Variants in GABPA observed in about 807,000 individuals in gnomAD.
GABPA encodes GA binding protein transcription factor subunit alpha.
A neutral mutation model predicts 59.4 loss-of-function variants in GABPA; 4 were observed. The observed-to-expected ratio is 0.07, with a 90% CI of 0.03 to 0.15. GABPA has a LOEUF of 0.15. Ranked by LOEUF, GABPA falls within the 10% of genes least tolerant of loss-of-function variation. The pLI, the probability that GABPA is intolerant of heterozygous loss-of-function variation, is 1.00. For synonymous variants in GABPA, 164 were observed against 183.1 expected (o/e 0.90, Z 0.84); for missense variants, 251 against 543.8 (o/e 0.46, Z 5.36).
At chr21:25,757,374 A>T (rs2035660997) in intron 5 of GABPA, among the ~76,000 whole-genome samples, 1 of 152,240 alleles carries the variant, frequency 6.6e-6, no homozygotes, top group Non-Finnish European at 1.5e-5. Flanking sequence ...ACTCTTTAAG[A>T]TTAAACAAGT....
At chr21:25,751,051 TA>T (rs2035496974) in intron 4 of GABPA, among the ~76,000 whole-genome samples, 1 of 152,122 alleles carries the variant, frequency 6.6e-6, no homozygotes, top group Non-Finnish European at 1.5e-5. Context: ...TAGATTGTAA[TA>T]GATTCAGTAA....
At chr21:25,749,162 T>G in intron 4 of GABPA, 42 bp downstream of exon 4, 1 of 1,148,450 alleles carries the variant, frequency 8.7e-7, no homozygotes, top group Non-Finnish European at 1.3e-6. Flanking sequence ...TTTTAGCTCA[T>G]GTTTTTCTGA....
chr21:25,763,345 G>C (rs544975930), intron 7 of GABPA: 42 of 264,204 alleles, frequency 1.6e-4, no homozygotes, highest in African/African-American at 9.2e-4. Context: ...TTTTACCTGA[G>C]GTACGAACAC....
chr21:25,749,172 A>G (rs755479029), intron 4 of GABPA, 52 bp downstream of exon 4: 1 of 1,071,576 alleles, frequency 9.3e-7, no homozygotes, highest in Non-Finnish European at 1.4e-6. Context: ...TGTTTTTCTG[A>G]TACAATTTAT....
intron 4 of GABPA, among the ~76,000 whole-genome samples, chr21:25,749,954 G>A (rs1039569201): frequency 6.6e-6 from 1 of 152,200 alleles, no homozygotes; most frequent in African/African-American, 2.4e-5. Flanking sequence ...GAATTCAAGC[G>A]CATTACATTA....
In GABPA at chr21:25,764,247, A is replaced by G. The variant is rs780595059; in HGVS notation, c.840A>G (p.Thr280=). The part of the protein sequence containing the change: ...QIIPASVQSA[T]PTTIKVINSS... ...TTCCAGCATCAGTGCAATCTGCTACACCTACTACCATTAAAGTTATAAATA... is the reference window on the plus strand; with the variant it reads ...TTCCAGCATCAGTGCAATCTGCTACGCCTACTACCATTAAAGTTATAAATA... The change falls in exon 8 of 10, where the codon ACA becomes ACG. Residue 280 remains threonine, a synonymous_variant. Transcript: ENST00000400075. The G allele has an allele frequency of 3.7e-6, 6 of 1,611,142 alleles. No individual in the cohort carries two copies. In the South Asian group the frequency reaches 6.6e-5, roughly 18 times the overall value.
chr21:25,755,122 A>G (rs559625560), intron 5 of GABPA, among the ~76,000 whole-genome samples: 48 of 152,152 alleles, frequency 3.2e-4, no homozygotes, highest in Non-Finnish European at 5.7e-4. Context: ...TGATAACTAT[A>G]TGCTGATAAA....
At chr21:25,743,297 C>T (rs1471578476) in intron 2 of GABPA, among the ~76,000 whole-genome samples, 1 of 152,166 alleles carries the variant, frequency 6.6e-6, no homozygotes, top group East Asian at 1.9e-4. Flanking sequence ...GTCTTCTGGT[C>T]ACACAGTCCA....
rs578034243 is a variant in GABPA, at chr21:25,757,103, AT to A, written c.554-899del. On this transcript the variant is annotated intron_variant, in intron 5 of 9. Transcript: ENST00000400075. Reference sequence around the variant, plus strand: ...AATTTGCCCTCGATACCTAAATGTTATTTTTTTTCTACTTTTCTTATTGAAT... The same window carrying A: ...AATTTGCCCTCGATACCTAAATGTTATTTTTTTCTACTTTTCTTATTGAAT... 3.3e-5 allele frequency among the ~76,000 whole-genome samples: 5 copies of A among 151,874 alleles called. No individual in the cohort carries two copies. The South Asian group carries it at 6.2e-4, about 19-fold the overall frequency.
intron 4 of GABPA, among the ~76,000 whole-genome samples, chr21:25,751,312 T>G (rs1009692715): frequency 6.6e-6 from 1 of 151,332 alleles, no homozygotes; most frequent in Non-Finnish European, 1.5e-5. Context: ...TAAATCAAAA[T>G]CAGAATTTTG....
chr21:25,737,366 ATC>A (rs2035102550), intron 1 of GABPA, among the ~76,000 whole-genome samples: 1 of 152,348 alleles, frequency 6.6e-6, no homozygotes, highest in African/African-American at 2.4e-5. Context: ...TATTTCTCAA[ATC>A]TCTGTTTTGC....
At position 25,762,372 on chromosome 21, in the gene GABPA, A is replaced by G; in HGVS notation, c.802+7A>G. The G allele has an allele frequency of 6.5e-7, 1 of 1,541,230 alleles. No individual in the cohort carries two copies. Among genetic ancestry groups the G allele is most frequent in the South Asian group, 1.2e-5 (1 of 81,722 alleles). On this transcript the variant is annotated splice_region_variant and intron_variant, in intron 7 of 9. Coordinates refer to ENST00000400075, the MANE Select transcript of GABPA (RefSeq NM_002040.4). ...ATAGTTACAATTGATCAACGTGAGTATTTGTACCTATATTTGCCCTTTTAT... is the reference window on the plus strand; with the variant it reads ...ATAGTTACAATTGATCAACGTGAGTGTTTGTACCTATATTTGCCCTTTTAT...
rs142853007 is a variant in GABPA at position 25,749,115 on chromosome 21, A to T, written c.302A>T (p.Tyr101Phe). Residue 101 changes from tyrosine to phenylalanine, a missense_variant, in exon 4 of 10, where the codon TAC becomes TTC. Physicochemically the swap from Tyr to Phe is conservative, Grantham distance 22. Around this residue, in one of 4 missense-constraint regions of GABPA, gnomAD observed 207 missense variants for 366.7 expected, o/e 0.56. Transcript: ENST00000400075. Reference protein sequence around the residue: ...TVQLSVQVISYQGIEPKLNIL... With the variant: ...TVQLSVQVISFQGIEPKLNIL... ...CAGCTTAGTGTACAGGTAATTTCTTACCAAGGTAAGTTACTTTTCATGATA... is the reference window on the plus strand; with the variant it reads ...CAGCTTAGTGTACAGGTAATTTCTTTCCAAGGTAAGTTACTTTTCATGATA... 11 of 1,553,440 alleles carry T rather than the reference A, an allele frequency of 7.1e-6. No individual in the cohort carries two copies. In the African/African-American group the frequency reaches 1.5e-4, roughly 21 times the overall value.
At chr21:25,735,701 G>A (rs2035026921) in intron 1 of GABPA, 123 bp downstream of exon 1, 1 of 151,710 alleles carries the variant, frequency 6.6e-6, no homozygotes, top group East Asian at 2.0e-4. Flanking sequence ...GCTGGTCCCC[G>A]GCGCTGTGAC....
At chr21:25,768,245 A>G (rs1202370351) in intron 9 of GABPA, among the ~76,000 whole-genome samples, 4 of 151,932 alleles carry the variant, frequency 2.6e-5, no homozygotes, top group Non-Finnish European at 5.9e-5. Context: ...GTCTCTTTGC[A>G]ATGTCCTTTA....
chr21:25,766,433 T>A (rs186279346), intron 9 of GABPA, among the ~76,000 whole-genome samples: 35 of 152,108 alleles, frequency 2.3e-4, no homozygotes, highest in African/African-American at 8.2e-4. Context: ...ATTAGGAATT[T>A]CTGTTCGTTG....
chr21:25,758,320 T>G (rs1220839755), intron 6 of GABPA, 116 bp downstream of exon 6: 12 of 722,934 alleles, frequency 1.7e-5, no homozygotes, highest in African/African-American at 1.6e-4. Flanking sequence ...CAATAATAAT[T>G]AACATTTATT....
At chr21:25,762,095 C>G (rs781512731) in intron 6 of GABPA, among the ~76,000 whole-genome samples, 3 of 152,048 alleles carry the variant, frequency 2.0e-5, no homozygotes, top group African/African-American at 7.2e-5. Context: ...GACATTGGAG[C>G]TTTTCCCTGT....
intron 3 of GABPA, among the ~76,000 whole-genome samples, chr21:25,745,757 T>C (rs987588777): frequency 6.6e-6 from 1 of 152,196 alleles, no homozygotes; most frequent in Non-Finnish European, 1.5e-5. Context: ...TTTACCTTTA[T>C]TTTCTCTAAC....
Sources: gnomAD v4.1 joint callset for allele counts (sites outside exome capture counted in the v4.1 genomes callset) on GRCh38, gnomAD v4.1.1 for gene constraint, gnomAD v4.1.1 regional missense constraint, MANE v1.5 for transcripts, NCBI Gene and HGNC (gene_info 2026-07-23, HGNC 2026-07-21) for gene names.